Variants in CGB8 observed in about 807,000 individuals in gnomAD.
CGB8 encodes the protein chorionic gonadotropin subunit beta 8, also known as chorionic gonadotropin, beta polypeptide 8.
Under a neutral mutation model 7.6 loss-of-function variants are expected in CGB8, and 2 were observed. The ratio of observed to expected loss-of-function variants is 0.26; its 90% CI spans 0.11 to 0.83. The LOEUF is 0.83. Ranked by LOEUF, CGB8 falls within the 40% of genes least tolerant of loss-of-function variation. The probability of loss-of-function intolerance (pLI) is 0.65; values close to 1 mark genes in which losing one functional copy is unlikely to be tolerated. For missense variants in CGB8, 16 were observed against 208.2 expected, an observed-to-expected ratio of 0.08 and a Z score of 5.68; for synonymous variants, 8 against 91.5, an observed-to-expected ratio of 0.09 and a Z score of 5.21.
rs1290452117 is a variant in CGB8 at position 49,048,897 on chromosome 19, G to A, written c.-158C>T. The stretch of plus-strand genomic sequence containing the variant: ...GCCAGGGGGGCGCAGGAGTGGCTCA[G>A]CGGAGCGCCCCAGCCCTCTCCTCTC... On this transcript the variant is annotated 5_prime_UTR_variant, in exon 1 of 3. Coordinates refer to ENST00000448456, the MANE Select transcript of CGB8 (RefSeq NM_033183.3). 23 of 1,363,000 alleles carry A rather than the reference G, an allele frequency of 1.7e-5. No homozygotes were observed. Among genetic ancestry groups the A allele is most frequent in the Non-Finnish European group, 2.2e-5 (22 of 986,272 alleles). The allele number at this position is 1,363,000 out of a possible 1,614,324, so 84.4% of individuals were successfully genotyped here.
rs1327780746 is a variant in CGB8 at position 49,048,259 on chromosome 19, G to T, written c.129C>A (p.Cys43Ter). Residue 43 changes from cysteine (C) to a stop codon, truncating the protein, a stop_gained, in exon 2 of 3, where the codon TGC becomes TGA. Transcript: ENST00000448456. LOFTEE classifies it high-confidence loss of function. The stretch of plus-strand genomic sequence containing the variant: ...TGGTGTTGACGGTGATGCACACGGG[G>T]CAGCCCTCCTTCTCCACAGCCAGGG... ...NATLAVEKEG[C>*]PVCITVNTTI... The T allele has an allele frequency of 1.3e-6, 2 of 1,568,360 alleles. No homozygotes were observed. Among genetic ancestry groups the T allele is most frequent in the East Asian group, 2.3e-5 (1 of 43,826 alleles).
Position 49,047,693 on chromosome 19 carries a change from G to C in CGB8, c.460C>G (p.Leu154Val), listed in dbSNP as rs966494961. 6.2e-7 allele frequency: 1 copy of C among 1,609,680 alleles called. No individual in the cohort carries two copies. Among genetic ancestry groups the C allele is most frequent in the Non-Finnish European group, 8.5e-7 (1 of 1,179,062 alleles). Residue 154 changes from leucine to valine, a missense_variant, in exon 3 of 3, where the codon CTC becomes GTC. By Grantham distance (32) the Leu-to-Val change is conservative. Transcript: ENST00000448456. Reference sequence around the variant, plus strand: ...ATCGGGGTGTCCGAGGGCCCCGGGAGTCGGGATGGACTTGGAAGGCTGGGG... The same window carrying C: ...ATCGGGGTGTCCGAGGGCCCCGGGACTCGGGATGGACTTGGAAGGCTGGGG... Reference protein sequence around the residue: ...PPPSLPSPSRLPGPSDTPILP... With the variant: ...PPPSLPSPSRVPGPSDTPILP...
chr19:49,048,779 C>T lies in CGB8; in HGVS notation c.-40G>A. ...CTGCCTCGTGTACCTGGCTTTAAAC[C>T]TCGGGGTTGTGGGGGCGGCAAGGCC... On this transcript the variant is annotated 5_prime_UTR_variant, in exon 1 of 3. Transcript: ENST00000448456. The T allele has an allele frequency of 6.2e-7, 1 of 1,612,878 alleles. No homozygotes were observed. The highest frequency in any genetic ancestry group is 8.5e-7 in the Non-Finnish European group (1 of 1,179,838).
rs200252416 is a variant in CGB8 at position 49,048,371 on chromosome 19, C to T, written c.17G>A (p.Gly6Glu). MEMFQGLLLLLLLSMG... is the reference protein window; with the variant it reads MEMFQELLLLLLLSMG... Reference sequence around the variant, plus strand: ...GCTCAGCAGCAGCAACAGCAGCAGCCCCTGGGACAAGGACACTGCTTCACC... The same window carrying T: ...GCTCAGCAGCAGCAACAGCAGCAGCTCCTGGGACAAGGACACTGCTTCACC... Residue 6 changes from glycine (G) to glutamate (E), a missense_variant and splice_region_variant, in exon 2 of 3, where the codon GGG (glycine) becomes GAG (glutamate). Physicochemically the swap from Gly to Glu is moderately conservative, Grantham distance 98. Transcript: ENST00000448456. 6.1e-5 allele frequency: 98 copies of T among 1,595,294 alleles called. No individual in the cohort carries two copies. The highest frequency in any genetic ancestry group is 4.5e-4 in the Middle Eastern group (2 of 4,448).
At chr19:49,048,577 C>T (rs2039961889) in intron 1 of CGB8, 148 bp downstream of exon 1, 4 of 1,603,994 alleles carry the variant, frequency 2.5e-6, no homozygotes, top group Admixed American at 1.7e-5. Flanking sequence ...AGATCCCCAC[C>T]TTCAGGAAAT....
rs2039961115 is a variant in CGB8, at chr19:49,048,501, C to G, written c.16-129G>C. Reference sequence around the variant, plus strand: ...CCGGCATCTCCTATTCAGGACCCACCACCCGGACACCTGCCTTTCAGAGCC... The same window carrying G: ...CCGGCATCTCCTATTCAGGACCCACGACCCGGACACCTGCCTTTCAGAGCC... On this transcript the variant is annotated intron_variant, in intron 1 of 2. Transcript: ENST00000448456. 2.6e-6 allele frequency: 4 copies of G among 1,539,454 alleles called. No individual in the cohort carries two copies. The Admixed American group carries it at 8.0e-5, about 31-fold the overall frequency.
Position 49,048,811 on chromosome 19 carries a change from A to T in CGB8, c.-72T>A, listed in dbSNP as rs35930240. 56,878 of 1,611,774 alleles carry T rather than the reference A, an allele frequency of 0.035. 1,249 individuals are homozygous for T. Among genetic ancestry groups the T allele is most frequent in the African/African-American group, 0.041 (2,997 of 73,506 alleles). On this transcript the variant is annotated 5_prime_UTR_variant, in exon 1 of 3. Transcript: ENST00000448456. Reference sequence around the variant, plus strand: ...TTGTGGGGGCGGCAAGGCCACCAGGAGGTTGTAGGATGCTGGAGTGAGCTC... The same window carrying T: ...TTGTGGGGGCGGCAAGGCCACCAGGTGGTTGTAGGATGCTGGAGTGAGCTC...
rs947528887 is a variant in CGB8 at position 49,048,915 on chromosome 19, C to T, written c.-176G>A. 7.6e-7 allele frequency: 1 copy of T among 1,307,236 alleles called. No homozygotes were observed. The highest frequency in any genetic ancestry group is 1.1e-6 in the Non-Finnish European group (1 of 951,600). The allele number at this position is 1,307,236 out of a possible 1,614,324, so 81.0% of individuals were successfully genotyped here. A position where few individuals can be genotyped will look rare whatever the true frequency, so the allele number is the denominator to read the frequency against. ...TGGCTCAGCGGAGCGCCCCAGCCCTCTCCTCTCACTGGTCCAGCGCCAAGG... is the reference window on the plus strand; with the variant it reads ...TGGCTCAGCGGAGCGCCCCAGCCCTTTCCTCTCACTGGTCCAGCGCCAAGG... On this transcript the variant is annotated 5_prime_UTR_variant, in exon 1 of 3. Transcript: ENST00000448456.
In CGB8 at chr19:49,048,794, G is replaced by A. The variant is rs2039964765; in HGVS notation, c.-55C>T. The A allele has an allele frequency of 2.5e-6, 4 of 1,612,714 alleles. No individual in the cohort carries two copies. The highest frequency in any genetic ancestry group is 2.2e-5 in the East Asian group (1 of 44,886). ...GGCTTTAAACCTCGGGGTTGTGGGG[G>A]CGGCAAGGCCACCAGGAGGTTGTAG... is the stretch of plus-strand genomic sequence containing the variant. On this transcript the variant is annotated 5_prime_UTR_variant, in exon 1 of 3. Coordinates refer to ENST00000448456, the MANE Select transcript of CGB8 (RefSeq NM_033183.3).
Position 49,048,837 on chromosome 19 carries a change from G to A in CGB8, c.-98C>T, listed in dbSNP as rs951866166. On this transcript the variant is annotated 5_prime_UTR_variant, in exon 1 of 3. Transcript: ENST00000448456. ...GGTTGTAGGATGCTGGAGTGAGCTC[G>A]ACACTAACCCTTCGGGGGGCAAGAG... is the stretch of plus-strand genomic sequence containing the variant. The A allele has an allele frequency of 5.0e-6, 8 of 1,607,326 alleles. No individual in the cohort carries two copies. The highest frequency in any genetic ancestry group is 2.2e-5 in the East Asian group (1 of 44,840).
Position 49,048,882 on chromosome 19 carries a change from C to T in CGB8, c.-143G>A, listed in dbSNP as rs1395317247. The T allele has an allele frequency of 1.3e-5, 19 of 1,468,018 alleles. No individual in the cohort carries two copies. In the East Asian group the frequency reaches 1.4e-4, roughly 11 times the overall value. 90.9% of individuals were successfully genotyped at this position (1,468,018 alleles called of 1,614,324 possible). A position where few individuals can be genotyped will look rare whatever the true frequency, so the allele number is the denominator to read the frequency against. ...CAAGAGGTAGACAAGGCCAGGGGGG[C>T]GCAGGAGTGGCTCAGCGGAGCGCCC... On this transcript the variant is annotated 5_prime_UTR_variant, in exon 1 of 3. Coordinates refer to ENST00000448456, the MANE Select transcript of CGB8 (RefSeq NM_033183.3).
intron 1 of CGB8, among the ~76,000 whole-genome samples, 176 bp downstream of exon 1, chr19:49,048,549 G>C (rs1306216394): frequency 1.3e-5 from 2 of 151,532 alleles, no homozygotes; most frequent in East Asian, 1.9e-4. Flanking sequence ...CAGAGGACCT[G>C]AGATACCCCA....
In CGB8 at chr19:49,048,883, G is replaced by A. The variant is rs553913141; in HGVS notation, c.-144C>T. The A allele has an allele frequency of 2.8e-5, 37 of 1,308,576 alleles. No homozygotes were observed. Among genetic ancestry groups the A allele is most frequent in the Admixed American group, 1.5e-4 (8 of 51,968 alleles). The allele number at this position is 1,308,576 out of a possible 1,614,324, so 81.1% of individuals were successfully genotyped here. On this transcript the variant is annotated 5_prime_UTR_variant, in exon 1 of 3. Transcript: ENST00000448456. ...AAGAGGTAGACAAGGCCAGGGGGGC[G>A]CAGGAGTGGCTCAGCGGAGCGCCCC...
rs2039963843 is a variant in CGB8 at position 49,048,736 on chromosome 19, C to G, written c.4G>C (p.Glu2Gln). The G allele has an allele frequency of 6.2e-7, 1 of 1,613,140 alleles. No individual in the cohort carries two copies. The highest frequency in any genetic ancestry group is 1.7e-5 in the Admixed American group (1 of 59,976). The change falls in exon 1 of 3, where the codon GAG becomes CAG. Residue 2 changes from glutamate to glutamine, a missense_variant. Coordinates refer to ENST00000448456, the MANE Select transcript of CGB8 (RefSeq NM_033183.3). MEMFQGLLLLLL... is the reference protein window; with the variant it reads MQMFQGLLLLLL... ...CCCTGCAGTCTTACCTGGAACATCT[C>G]CATCCTTGGTGTGTCCCCTGCCTCG...
chr19:49,048,637 C>G lies in CGB8; in HGVS notation c.15+88G>C, dbSNP rs1179559466. ...TCACGCTCCTCCAGAAAGAGGCCTC[C>G]TTCCACAGCTCACACTGGTCTGCCC... On this transcript the variant is annotated intron_variant, in intron 1 of 2. Transcript: ENST00000448456. 6.8e-6 allele frequency: 11 copies of G among 1,609,524 alleles called. No homozygotes were observed. In the Admixed American group the frequency reaches 1.3e-4, roughly 20 times the overall value.
chr19:49,048,699 G>C (rs1363347906), intron 1 of CGB8, 26 bp downstream of exon 1: 6 of 1,612,706 alleles, frequency 3.7e-6, no homozygotes, highest in African/African-American at 1.3e-5. Context: ...GGAGGTGGAA[G>C]GTGCCCAGGG....
chr19:49,048,880 G>A lies in CGB8; in HGVS notation c.-141C>T. On this transcript the variant is annotated 5_prime_UTR_variant, in exon 1 of 3. Coordinates refer to ENST00000448456, the MANE Select transcript of CGB8 (RefSeq NM_033183.3). Reference sequence around the variant, plus strand: ...GGCAAGAGGTAGACAAGGCCAGGGGGGCGCAGGAGTGGCTCAGCGGAGCGC... The same window carrying A: ...GGCAAGAGGTAGACAAGGCCAGGGGAGCGCAGGAGTGGCTCAGCGGAGCGC... 2 of 1,483,802 alleles carry A rather than the reference G, an allele frequency of 1.3e-6. No homozygotes were observed. The highest frequency in any genetic ancestry group is 1.9e-6 in the Non-Finnish European group (2 of 1,079,636). 91.9% of individuals were successfully genotyped at this position (1,483,802 alleles called of 1,614,324 possible).
chr19:49,048,033 C>G (rs1007737687), intron 2 of CGB8, 64 bp from the exon 3 acceptor site: 2 of 1,585,344 alleles, frequency 1.3e-6, no homozygotes, highest in Non-Finnish European at 1.7e-6. Context: ...CTGAGCTCCC[C>G]AGCTGCCCCC....
chr19:49,048,576 C>A, intron 1 of CGB8, 149 bp downstream of exon 1: 3 of 1,603,892 alleles, frequency 1.9e-6, no homozygotes, highest in African/African-American at 1.4e-5. Context: ...CAGATCCCCA[C>A]CTTCAGGAAA....
Sources: gnomAD v4.1 joint callset for allele counts (sites outside exome capture counted in the v4.1 genomes callset) on GRCh38, gnomAD v4.1.1 for gene constraint, MANE v1.5 for transcripts, NCBI Gene and HGNC (gene_info 2026-07-23, HGNC 2026-07-21) for gene names.